PLEKHF2: variants seen among roughly 807,000 people sequenced by gnomAD.
The protein encoded by PLEKHF2 is pleckstrin homology and FYVE domain containing 2.
PLEKHF2 carries 4 observed loss-of-function variants against 14.7 expected under a neutral mutation model. The ratio of observed to expected loss-of-function variants is 0.27; its 90% confidence interval spans 0.13 to 0.62. The LOEUF is 0.62. Ranked by LOEUF, PLEKHF2 falls within the 20% of genes least tolerant of loss-of-function variation. The probability of loss-of-function intolerance (pLI) is 0.85; values close to 1 mark genes in which losing one functional copy is unlikely to be tolerated. For synonymous variants in PLEKHF2, 90 were observed against 103.5 expected (o/e 0.87, Z 0.79); for missense variants, 201 against 307.7 (o/e 0.65, Z 2.60).
chr8:95,145,256 C>G (rs1810484489), intron 1 of PLEKHF2, among the ~76,000 whole-genome samples: 1 of 151,990 alleles, frequency 6.6e-6, no homozygotes, highest in African/African-American at 2.4e-5. Context: ...TTTTGTCTTA[C>G]CAAAGAAGTG....
At chr8:95,140,411 C>T (rs901217108) in intron 1 of PLEKHF2, among the ~76,000 whole-genome samples, 13 of 152,138 alleles carry the variant, frequency 8.5e-5, no homozygotes, top group Admixed American at 5.2e-4. Flanking sequence ...CAGTCCATCC[C>T]GTGTACTGCT....
At chr8:95,136,370 AC>A (rs1810377074) in intron 1 of PLEKHF2, among the ~76,000 whole-genome samples, 1 of 145,394 alleles carries the variant, frequency 6.9e-6, no homozygotes, top group African/African-American at 2.7e-5. Context: ...ACACACACAC[AC>A]ACATGTTTTG....
At chr8:95,139,747 G>T (rs1309924284) in intron 1 of PLEKHF2, among the ~76,000 whole-genome samples, 1 of 150,958 alleles carries the variant, frequency 6.6e-6, no homozygotes, top group Non-Finnish European at 1.5e-5. Context: ...ATTTCTCCAG[G>T]TTAAATTTTT....
intron 1 of PLEKHF2, among the ~76,000 whole-genome samples, chr8:95,148,455 A>G (rs1295188630): frequency 1.3e-5 from 2 of 152,084 alleles, no homozygotes; most frequent in Non-Finnish European, 2.9e-5. Flanking sequence ...GTAATGGTCT[A>G]GAATACAGCT....
rs553937654 is a variant in PLEKHF2, at chr8:95,155,208, G to T, written c.*414G>T. The T allele has an allele frequency of 3.2e-5, 6 of 184,832 alleles. No homozygotes were observed. Among genetic ancestry groups the T allele is most frequent in the African/African-American group, 1.2e-4 (5 of 41,852 alleles). The allele number at this position is 184,832 out of a possible 1,614,324, so 11.4% of individuals were successfully genotyped here. On this transcript the variant is annotated 3_prime_UTR_variant, in exon 2 of 2. Coordinates refer to ENST00000315367, the MANE Select transcript of PLEKHF2 (RefSeq NM_024613.4). The stretch of plus-strand genomic sequence containing the variant: ...TTAGCAGCTTTTTTCTAACCATCCT[G>T]TCTAATGGTTAAGACACCAGTAACA...
At chr8:95,153,749 C>T (rs1810586019) in intron 1 of PLEKHF2, among the ~76,000 whole-genome samples, 2 of 152,078 alleles carry the variant, frequency 1.3e-5, no homozygotes, top group South Asian at 2.1e-4. Context: ...ATTATCCAAT[C>T]GTCTTTCATT....
At chr8:95,145,591 T>C (rs1358725486) in intron 1 of PLEKHF2, among the ~76,000 whole-genome samples, 1 of 151,980 alleles carries the variant, frequency 6.6e-6, no homozygotes, top group Non-Finnish European at 1.5e-5. Flanking sequence ...GCCTGGCTAA[T>C]TTTTTTGTGT....
chr8:95,143,442 T>G (rs780524681), intron 1 of PLEKHF2, among the ~76,000 whole-genome samples: 4 of 152,180 alleles, frequency 2.6e-5, no homozygotes, highest in African/African-American at 4.8e-5. Flanking sequence ...CTGTTGGGAA[T>G]GAGCAAGTAC....
intron 1 of PLEKHF2, among the ~76,000 whole-genome samples, chr8:95,145,757 T>C (rs1008568895): frequency 1.3e-5 from 2 of 152,186 alleles, no homozygotes; most frequent in Non-Finnish European, 2.9e-5. Context: ...ATCCTAATGA[T>C]TTATTGAGAC....
At chr8:95,152,239 T>G (rs1421560696) in intron 1 of PLEKHF2, among the ~76,000 whole-genome samples, 3 of 152,134 alleles carry the variant, frequency 2.0e-5, no homozygotes, top group Non-Finnish European at 4.4e-5. Context: ...TCATAACTTT[T>G]TCAATCAGTT....
At chr8:95,152,653 A>G (rs1440350319) in intron 1 of PLEKHF2, among the ~76,000 whole-genome samples, 2 of 152,060 alleles carry the variant, frequency 1.3e-5, no homozygotes, top group East Asian at 1.9e-4. Flanking sequence ...GCATTATCCT[A>G]TTAATTCTTG....
At position 95,149,862 on chromosome 8, in the gene PLEKHF2, T is replaced by C. The variant is rs7817088; in HGVS notation, c.-14-4169T>C. On this transcript the variant is annotated intron_variant, in intron 1 of 1. Coordinates refer to ENST00000315367, the MANE Select transcript of PLEKHF2 (RefSeq NM_024613.4). ...CTTCCTCCCCTCAATGAGTAGGATA[T>C]GGGAAGGACTCAGTCCTTGGCTAGG... Among the ~76,000 whole-genome samples the C allele has an allele frequency of 7.8e-3, 1,181 of 152,276 alleles. 14 individuals are homozygous for C. The highest frequency in any genetic ancestry group is 0.027 in the African/African-American group (1,138 of 41,548).
intron 1 of PLEKHF2, among the ~76,000 whole-genome samples, chr8:95,138,550 TA>T (rs1810404651): frequency 1.4e-5 from 2 of 138,768 alleles, no homozygotes; most frequent in Non-Finnish European, 3.0e-5. Context: ...CTTCCCAAAC[TA>T]AAAGGCTTTG....
intron 1 of PLEKHF2, among the ~76,000 whole-genome samples, chr8:95,151,757 G>C (rs1246924968): frequency 6.6e-6 from 1 of 151,792 alleles, no homozygotes; most frequent in Non-Finnish European, 1.5e-5. Flanking sequence ...CCTGCACCTA[G>C]ATCCTAAGTG....
chr8:95,134,674 C>G (rs558965628), intron 1 of PLEKHF2, among the ~76,000 whole-genome samples: 24 of 152,256 alleles, frequency 1.6e-4, no homozygotes, highest in Non-Finnish European at 2.6e-4. Flanking sequence ...GCCGAGAGCG[C>G]GCTGCCGGTG....
At chr8:95,145,713 T>A (rs200022580) in intron 1 of PLEKHF2, among the ~76,000 whole-genome samples, 2 of 152,172 alleles carry the variant, frequency 1.3e-5, no homozygotes, top group Admixed American at 1.3e-4. Flanking sequence ...CGTGAGCCAC[T>A]GCGCCTGGCC....
Position 95,140,901 on chromosome 8 carries a change from G to A in PLEKHF2, c.-15+6871G>A, listed in dbSNP as rs546408554. Among the ~76,000 whole-genome samples the A allele has an allele frequency of 3.3e-5, 5 of 152,198 alleles. No individual in the cohort carries two copies. The South Asian group carries it at 1.0e-3, about 32-fold the overall frequency. On this transcript the variant is annotated intron_variant, in intron 1 of 1. Coordinates refer to ENST00000315367, the MANE Select transcript of PLEKHF2 (RefSeq NM_024613.4). Reference sequence around the variant, plus strand: ...AGTTAATTGTATACCTCAGTTTATAGCACATTATAGGGATACCAAACCCCT... The same window carrying A: ...AGTTAATTGTATACCTCAGTTTATAACACATTATAGGGATACCAAACCCCT...
intron 1 of PLEKHF2, among the ~76,000 whole-genome samples, chr8:95,138,551 A>G (rs907070497): frequency 7.2e-6 from 1 of 138,638 alleles, no homozygotes; most frequent in African/African-American, 3.2e-5. Flanking sequence ...TTCCCAAACT[A>G]AAAGGCTTTG....
intron 1 of PLEKHF2, among the ~76,000 whole-genome samples, chr8:95,153,667 A>G (rs1328272315): frequency 6.6e-6 from 1 of 152,072 alleles, no homozygotes; most frequent in Non-Finnish European, 1.5e-5. Context: ...TTTGTTCCCT[A>G]TTGTTCAGAA....
Sources: gnomAD v4.1 joint callset for allele counts (sites outside exome capture counted in the v4.1 genomes callset) on GRCh38, gnomAD v4.1.1 for gene constraint, MANE v1.5 for transcripts, NCBI Gene and HGNC (gene_info 2026-07-23, HGNC 2026-07-21) for gene names.